Variants in STX2 observed in about 807,000 individuals in gnomAD.
STX2 encodes the protein syntaxin-2.
Under a neutral mutation model 40.6 loss-of-function variants are expected in STX2, and 27 were observed. The ratio of observed to expected loss-of-function variants is 0.66; its 90% CI spans 0.49 to 0.92. The LOEUF is 0.92. Ranked by LOEUF, STX2 falls within the 40% of genes least tolerant of loss-of-function variation. The probability of loss-of-function intolerance (pLI) is 0.00; values close to 1 mark genes in which losing one functional copy is unlikely to be tolerated. For missense variants in STX2, 328 were observed against 366.1 expected, an observed-to-expected ratio of 0.90 and a Z score of 0.85; for synonymous variants, 123 against 119.1, an observed-to-expected ratio of 1.03 and a Z score of -0.22.
chr12:130,816,643 A>C (rs188991516), intron 3 of STX2, among the ~76,000 whole-genome samples: 29 of 152,356 alleles, frequency 1.9e-4, no homozygotes, highest in African/African-American at 6.5e-4. Flanking sequence ...ATCTGTGTAA[A>C]GCCATTAGAA....
chr12:130,818,185 A>AAAAAAAATATATATATATATATATATAT, intron 3 of STX2, among the ~76,000 whole-genome samples: 5 of 70,540 alleles, frequency 7.1e-5, no homozygotes, highest in Non-Finnish European at 1.1e-4. Context: ...AAAAAAAAAA[A>AAAAAAAATATATATATATATATATATAT]ATATATATAT....
At chr12:130,809,779 T>C (rs1470360761) in intron 4 of STX2, among the ~76,000 whole-genome samples, 3 of 152,158 alleles carry the variant, frequency 2.0e-5, no homozygotes, top group African/African-American at 2.4e-5. Flanking sequence ...ATAGTGCCAT[T>C]GCACTCCAGC....
At chr12:130,806,038 T>C (rs1027494543) in intron 6 of STX2, among the ~76,000 whole-genome samples, 1 of 152,118 alleles carries the variant, frequency 6.6e-6, no homozygotes, top group Non-Finnish European at 1.5e-5. Context: ...GTGTCTCCGA[T>C]GAAACATACA....
At chr12:130,838,967 T>G in intron 1 of STX2, 103 bp downstream of exon 1, 1 of 643,558 alleles carries the variant, frequency 1.6e-6, no homozygotes, top group Non-Finnish European at 1.9e-6. Flanking sequence ...ATCCCCGCCC[T>G]GGGGACCCTC....
intron 1 of STX2, among the ~76,000 whole-genome samples, chr12:130,836,578 G>A (rs991730997): frequency 2.6e-5 from 4 of 152,122 alleles, no homozygotes; most frequent in African/African-American, 4.8e-5. Context: ...CCAGCCAGAA[G>A]GCTGCTTTTT....
chr12:130,804,689 C>T (rs77462528), intron 6 of STX2, among the ~76,000 whole-genome samples: 1,719 of 152,178 alleles, frequency 0.011, 41 homozygotes, highest in African/African-American at 0.039. Flanking sequence ...TCAGCTCGCT[C>T]AGCCTTTGGG....
rs527762568 is a variant in STX2 at position 130,825,237 on chromosome 12, A to G, written c.105+1956T>C. ...TTTTTAGTAGAGACAGGGTTTTGGC[A>G]CATTGGCCTGGCTGGTCTGGAACTC... On this transcript the variant is annotated intron_variant, in intron 2 of 10. Transcript: ENST00000392373. 1.1e-4 allele frequency among the ~76,000 whole-genome samples: 16 copies of G among 152,248 alleles called. No homozygotes were observed. The South Asian group carries it at 2.3e-3, about 22-fold the overall frequency.
At chr12:130,793,226 C>G (rs10219721) in intron 10 of STX2, among the ~76,000 whole-genome samples, 1 of 151,920 alleles carries the variant, frequency 6.6e-6, no homozygotes, top group Non-Finnish European at 1.5e-5. Context: ...TGCAGGAGGG[C>G]CCCTCCCTCA....
At chr12:130,809,917 C>G (rs536991678) in intron 4 of STX2, among the ~76,000 whole-genome samples, 96 of 152,196 alleles carry the variant, frequency 6.3e-4, no homozygotes, top group African/African-American at 2.1e-3. Context: ...CACAAGTGCT[C>G]GGGGGATCAC....
intron 1 of STX2, among the ~76,000 whole-genome samples, chr12:130,838,792 C>A (rs1952824768): frequency 6.6e-6 from 1 of 152,088 alleles, no homozygotes; most frequent in African/African-American, 2.4e-5. Context: ...GCTCCCTCCT[C>A]CTGCCCCAAC....
At chr12:130,805,947 C>A (rs1267138539) in intron 6 of STX2, among the ~76,000 whole-genome samples, 2 of 152,272 alleles carry the variant, frequency 1.3e-5, no homozygotes, top group Non-Finnish European at 2.9e-5. Flanking sequence ...GTTCAAGTTA[C>A]TACAAGTGCG....
chr12:130,813,428 G>A (rs532892667), intron 3 of STX2, among the ~76,000 whole-genome samples: 6 of 152,298 alleles, frequency 3.9e-5, no homozygotes, highest in South Asian at 4.1e-4. Context: ...GAGACGTAAC[G>A]ATGATCTCAA....
chr12:130,827,284 A>T lies in STX2; in HGVS notation c.31-17T>A. The T allele has an allele frequency of 6.2e-7, 1 of 1,610,326 alleles. No individual in the cohort carries two copies. Among genetic ancestry groups the T allele is most frequent in the Non-Finnish European group, 8.5e-7 (1 of 1,177,250 alleles). On this transcript the variant is annotated splice_polypyrimidine_tract_variant and intron_variant, in intron 1 of 10. Transcript: ENST00000392373. ...CTTCCTACACTACAATGAAAAATGG[A>T]AAATTCAGTTTTTTAAAATTTTTAT...
intron 3 of STX2, among the ~76,000 whole-genome samples, chr12:130,815,893 A>G (rs1319721916): frequency 6.6e-6 from 1 of 152,172 alleles, no homozygotes; most frequent in Non-Finnish European, 1.5e-5. Context: ...TTTTAAAATC[A>G]TGGAGGTAGG....
At chr12:130,832,419 A>G (rs565508598) in intron 1 of STX2, among the ~76,000 whole-genome samples, 20 of 152,252 alleles carry the variant, frequency 1.3e-4, no homozygotes, top group African/African-American at 4.8e-4. Context: ...TGGAACATAC[A>G]CACACATGCA....
At chr12:130,820,851 T>C (rs898279380) in intron 3 of STX2, among the ~76,000 whole-genome samples, 1 of 152,006 alleles carries the variant, frequency 6.6e-6, no homozygotes, top group Non-Finnish European at 1.5e-5. Context: ...TTTTCATGGA[T>C]TCAAAGACTC....
chr12:130,835,223 A>T (rs1274695029), intron 1 of STX2, among the ~76,000 whole-genome samples: 1 of 152,252 alleles, frequency 6.6e-6, no homozygotes, highest in African/African-American at 2.4e-5. Context: ...TGGGAGGTCA[A>T]GGGTGCAATG....
At chr12:130,808,347 C>T (rs1951520236) in intron 5 of STX2, among the ~76,000 whole-genome samples, 1 of 152,138 alleles carries the variant, frequency 6.6e-6, no homozygotes, top group Non-Finnish European at 1.5e-5. Flanking sequence ...CCTGCCCGCT[C>T]TTTCCCCTTT....
chr12:130,815,216 T>C (rs1951815206), intron 3 of STX2, among the ~76,000 whole-genome samples: 1 of 152,222 alleles, frequency 6.6e-6, no homozygotes, highest in Admixed American at 6.5e-5. Flanking sequence ...CAGGGGAATC[T>C]TTCTACCACC....
Sources: allele counts gnomAD v4.1 joint callset (sites outside exome capture counted in the v4.1 genomes callset), GRCh38; gene constraint gnomAD v4.1.1; transcripts MANE v1.5; gene names NCBI Gene and HGNC (gene_info 2026-07-23, HGNC 2026-07-21).